The following FNBP1 variants were observed in gnomAD, a reference collection of about 807,000 sequenced individuals.
The protein encoded by FNBP1 is formin-binding protein 1.
FNBP1 carries 26 observed loss-of-function variants against 90.6 expected under a neutral mutation model. The observed-to-expected ratio is 0.29, with a 90% CI of 0.21 to 0.40. The LOEUF (loss-of-function observed/expected upper bound fraction) is 0.40. Among genes scored for constraint, FNBP1 ranks in the 10% least tolerant of loss-of-function variants. The probability of loss-of-function intolerance (pLI) is 1.00; values close to 1 mark genes in which losing one functional copy is unlikely to be tolerated. For missense variants in FNBP1, 635 were observed against 768.0 expected, an observed-to-expected ratio of 0.83 and a Z score of 2.05; for synonymous variants, 260 against 265.2, an observed-to-expected ratio of 0.98 and a Z score of 0.19.
intron 4 of FNBP1, among the ~76,000 whole-genome samples, chr9:129,977,833 C>A (rs139768719): frequency 1.4e-3 from 207 of 151,998 alleles, no homozygotes; most frequent in African/African-American, 4.7e-3. Flanking sequence ...ACAGAGCATA[C>A]ACCATATTAT....
intron 6 of FNBP1, among the ~76,000 whole-genome samples, chr9:129,931,248 A>G (rs1406374915): frequency 6.6e-6 from 1 of 152,090 alleles, no homozygotes; most frequent in Non-Finnish European, 1.5e-5. Context: ...GTGAGCTGTG[A>G]TCACTACCAC....
intron 1 of FNBP1, among the ~76,000 whole-genome samples, chr9:130,009,676 C>G (rs2056281789): frequency 6.6e-6 from 1 of 152,126 alleles, no homozygotes; most frequent in South Asian, 2.1e-4. Context: ...GTGGCATGGG[C>G]CTGTAGTCTC....
intron 1 of FNBP1, among the ~76,000 whole-genome samples, chr9:130,030,541 A>T (rs549887459): frequency 3.5e-4 from 53 of 152,100 alleles, no homozygotes; most frequent in Middle Eastern, 6.8e-3. Context: ...TATAAAACAG[A>T]CTCTATTCTA....
At chr9:129,926,139 T>G (rs915519653) in intron 8 of FNBP1, among the ~76,000 whole-genome samples, 9 of 151,662 alleles carry the variant, frequency 5.9e-5, no homozygotes, top group African/African-American at 1.9e-4. Context: ...ACCCAGCTAA[T>G]TTTTGTATTT....
chr9:129,934,803 C>T (rs1000154844), intron 6 of FNBP1, among the ~76,000 whole-genome samples: 1 of 151,964 alleles, frequency 6.6e-6, no homozygotes, highest in Non-Finnish European at 1.5e-5. Flanking sequence ...AACTCCTGAC[C>T]TCAAGTGATC....
At chr9:129,905,292 G>GTATATATATATATATATATA in intron 12 of FNBP1, among the ~76,000 whole-genome samples, 1 of 56,298 alleles carries the variant, frequency 1.8e-5, no homozygotes. Flanking sequence ...GTGTGTGTGT[G>GTATATATATATATATATATA]TGTATATATA....
intron 1 of FNBP1, among the ~76,000 whole-genome samples, chr9:130,012,394 C>A (rs2056728042): frequency 6.6e-6 from 1 of 152,108 alleles, no homozygotes; most frequent in Non-Finnish European, 1.5e-5. Flanking sequence ...TTTTCATCAT[C>A]ATCATCATCA....
chr9:129,988,864 A>G (rs184578320), intron 2 of FNBP1, among the ~76,000 whole-genome samples: 2 of 152,176 alleles, frequency 1.3e-5, no homozygotes, highest in African/African-American at 4.8e-5. Flanking sequence ...ACAGGAATCA[A>G]AGTCTCACGT....
intron 1 of FNBP1, among the ~76,000 whole-genome samples, chr9:130,020,372 G>T (rs1160897460): frequency 1.3e-5 from 2 of 152,042 alleles, no homozygotes; most frequent in East Asian, 3.9e-4. Context: ...ACCACGCCCG[G>T]CTAATTTTTG....
rs1000017958 is a variant in FNBP1, at chr9:129,957,866, C to T, written c.409-402G>A. 6.6e-6 allele frequency among the ~76,000 whole-genome samples: 1 copy of T among 152,264 alleles called. No individual in the cohort carries two copies. On this transcript the variant is annotated intron_variant, in intron 5 of 16. Coordinates refer to ENST00000446176, the MANE Select transcript of FNBP1 (RefSeq NM_015033.3). This position sits in a 1 kb window ranked among gnomAD's most constrained non-coding sequence, Gnocchi z 4.3. Reference sequence around the variant, plus strand: ...ATGTGTCTGGCCCAAGAATACTCTTCTCTGAATTGATTTCTTATATGTCAT... The same window carrying T: ...ATGTGTCTGGCCCAAGAATACTCTTTTCTGAATTGATTTCTTATATGTCAT...
chr9:129,943,604 C>T lies in FNBP1; in HGVS notation c.513+13756G>A, dbSNP rs577973138. Among the ~76,000 whole-genome samples, 10 of 152,210 alleles carry T rather than the reference C, an allele frequency of 6.6e-5. No individual in the cohort carries two copies. In the South Asian group the frequency reaches 1.7e-3, roughly 25 times the overall value. On this transcript the variant is annotated intron_variant, in intron 6 of 16. Coordinates refer to ENST00000446176, the MANE Select transcript of FNBP1 (RefSeq NM_015033.3). ...GTTTCGCCATGTCAGCCAGGCTGGT[C>T]TCGAACTCCTGACCTCAAATGATCT...
chr9:130,001,193 G>A (rs1383158230), intron 1 of FNBP1, among the ~76,000 whole-genome samples: 2 of 151,586 alleles, frequency 1.3e-5, no homozygotes, highest in Non-Finnish European at 2.9e-5. Flanking sequence ...TTAGCCGGGT[G>A]TGGTGGCGGT....
At chr9:130,043,780 C>T (rs767297663), upstream of FNBP1, among the ~76,000 whole-genome samples, 1 of 152,206 alleles carries the variant, frequency 6.6e-6, no homozygotes, top group Non-Finnish European at 1.5e-5. Flanking sequence ...ATCTCTGAAA[C>T]CAGTGATTTC....
At chr9:129,980,074 G>C (rs540826010) in intron 2 of FNBP1, among the ~76,000 whole-genome samples, 1 of 151,880 alleles carries the variant, frequency 6.6e-6, no homozygotes, top group African/African-American at 2.4e-5. Flanking sequence ...AAAAATCAGA[G>C]TGCCGGCCGG....
chr9:129,976,032 G>A (rs1239459668), intron 4 of FNBP1, among the ~76,000 whole-genome samples: 1 of 151,924 alleles, frequency 6.6e-6, no homozygotes, highest in Non-Finnish European at 1.5e-5. Context: ...ATCATGTTAA[G>A]ATTTCTGGTA....
chr9:130,021,775 A>T (rs2057852649), intron 1 of FNBP1, among the ~76,000 whole-genome samples: 1 of 152,214 alleles, frequency 6.6e-6, no homozygotes, highest in African/African-American at 2.4e-5. Flanking sequence ...CAGCATTTGC[A>T]TTGGCTTTTA....
intron 1 of FNBP1, among the ~76,000 whole-genome samples, chr9:129,998,685 A>G (rs1303725206): frequency 2.6e-5 from 4 of 152,098 alleles, no homozygotes; most frequent in Non-Finnish European, 5.9e-5. Context: ...CCCCCACCAT[A>G]TCACTTTGCA....
chr9:129,944,197 T>C (rs1036305811), intron 6 of FNBP1, among the ~76,000 whole-genome samples: 15 of 152,100 alleles, frequency 9.9e-5, no homozygotes, highest in Non-Finnish European at 1.5e-5. Flanking sequence ...TTTCACACTC[T>C]TTGTCAAATA....
intron 2 of FNBP1, among the ~76,000 whole-genome samples, chr9:129,984,672 T>C (rs1353812502): frequency 6.6e-6 from 1 of 151,694 alleles, no homozygotes; most frequent in Non-Finnish European, 1.5e-5. Context: ...TCAACTTGAA[T>C]TGTATCTCCC....
Sources: gnomAD v4.1 joint callset for allele counts (sites outside exome capture counted in the v4.1 genomes callset) on GRCh38, gnomAD v4.1.1 for gene constraint, Gnocchi (gnomAD v3.1) non-coding constraint, MANE v1.5 for transcripts, NCBI Gene and HGNC (gene_info 2026-07-23, HGNC 2026-07-21) for gene names.